The following CDYL2 variants were observed in gnomAD, a reference collection of about 807,000 sequenced individuals.
CDYL2 encodes the protein chromodomain Y like 2.
CDYL2 carries 23 observed loss-of-function variants against 49.4 expected under a neutral mutation model. The ratio of observed to expected loss-of-function variants is 0.47; its 90% CI spans 0.34 to 0.66. The LOEUF (loss-of-function observed/expected upper bound fraction) is 0.66, where lower values mean the gene tolerates loss of function less well. Among genes scored for constraint, CDYL2 ranks in the 30% least tolerant of loss-of-function variants. The pLI, the probability that CDYL2 is intolerant of heterozygous loss-of-function variation, is 0.01. For missense variants in CDYL2, 678 were observed against 656.4 expected (o/e 1.03, Z -0.36); for synonymous variants, 360 against 268.8 (o/e 1.34, Z -3.32).
chr16:80,623,776 T>C (rs1293753395), intron 3 of CDYL2, among the ~76,000 whole-genome samples: 2 of 152,122 alleles, frequency 1.3e-5, no homozygotes, highest in African/African-American at 4.8e-5. Flanking sequence ...ACTCAGGAAG[T>C]CAGACTTTGG....
intron 3 of CDYL2, among the ~76,000 whole-genome samples, chr16:80,631,687 GC>G (rs1461324530): frequency 6.6e-6 from 1 of 152,104 alleles, no homozygotes; most frequent in Non-Finnish European, 1.5e-5. Flanking sequence ...AATAAAGAAT[GC>G]CTAAAAGTCA....
chr16:80,640,725 G>C (rs952147724), intron 2 of CDYL2, among the ~76,000 whole-genome samples: 2 of 152,020 alleles, frequency 1.3e-5, no homozygotes, highest in African/African-American at 4.8e-5. Context: ...TTCAGACTTC[G>C]ATTAGATAAA....
chr16:80,792,681 G>A (rs374525128), intron 1 of CDYL2, among the ~76,000 whole-genome samples: 14 of 152,086 alleles, frequency 9.2e-5, no homozygotes, highest in African/African-American at 2.2e-4. Context: ...CATGGATAAC[G>A]TGATACTCCA....
chr16:80,782,570 T>C (rs1402284804), intron 1 of CDYL2, among the ~76,000 whole-genome samples: 1 of 143,948 alleles, frequency 6.9e-6, no homozygotes, highest in African/African-American at 2.6e-5. Context: ...CCAATATCCC[T>C]GACAATATAG....
At chr16:80,619,554 G>T (rs1321918656) in intron 4 of CDYL2, among the ~76,000 whole-genome samples, 1 of 152,196 alleles carries the variant, frequency 6.6e-6, no homozygotes, top group African/African-American at 2.4e-5. Context: ...CATGCATGAC[G>T]AGAGAAGCAC....
intron 1 of CDYL2, among the ~76,000 whole-genome samples, chr16:80,714,085 T>C (rs1904713008): frequency 6.6e-6 from 1 of 152,212 alleles, no homozygotes; most frequent in Non-Finnish European, 1.5e-5. Context: ...TTAAAAATTT[T>C]TTAACACTAC....
In CDYL2 at chr16:80,693,790, G is replaced by A. The variant is rs149848202; in HGVS notation, c.25-8661C>T. Among the ~76,000 whole-genome samples the A allele has an allele frequency of 4.4e-3, 672 of 152,178 alleles. 1 individual carries two copies. The highest frequency in any genetic ancestry group is 7.3e-3 in the Non-Finnish European group (493 of 68,000). ...TACATTTGTCAAAAACCACAGAGCT[G>A]TAGACCACAAAAAAAGAGTGACCTT... On this transcript the variant is annotated intron_variant, in intron 1 of 6. Coordinates refer to ENST00000570137, the MANE Select transcript of CDYL2 (RefSeq NM_152342.4).
intron 1 of CDYL2, among the ~76,000 whole-genome samples, chr16:80,792,772 G>A (rs1022907532): frequency 9.2e-5 from 14 of 152,026 alleles, no homozygotes; most frequent in African/African-American, 2.9e-4. Flanking sequence ...TAGGAATATC[G>A]CTGCTGTGCT....
chr16:80,654,597 G>A (rs1043286654), intron 2 of CDYL2, among the ~76,000 whole-genome samples: 22 of 152,128 alleles, frequency 1.4e-4, no homozygotes, highest in Non-Finnish European at 2.9e-5. Context: ...GTCCACCTCC[G>A]GGTGGGCTCA....
At chr16:80,802,555 C>A (rs549629612) in intron 1 of CDYL2, among the ~76,000 whole-genome samples, 41 of 152,212 alleles carry the variant, frequency 2.7e-4, no homozygotes, top group Non-Finnish European at 5.6e-4. Context: ...TCCAACTTCA[C>A]CTTGTCTCTT....
At chr16:80,646,607 G>A (rs764574507) in intron 2 of CDYL2, among the ~76,000 whole-genome samples, 5 of 152,152 alleles carry the variant, frequency 3.3e-5, no homozygotes, top group Non-Finnish European at 7.4e-5. Flanking sequence ...TGGCTAACAT[G>A]GTGAAACCCT....
intron 3 of CDYL2, among the ~76,000 whole-genome samples, chr16:80,626,654 T>C (rs1313706970): frequency 2.0e-5 from 3 of 152,228 alleles, no homozygotes; most frequent in Non-Finnish European, 2.9e-5. Flanking sequence ...GCATGGCGTG[T>C]GCCTGGGTGA....
chr16:80,662,509 C>T (rs1483977466), intron 2 of CDYL2, among the ~76,000 whole-genome samples: 1 of 152,116 alleles, frequency 6.6e-6, no homozygotes, highest in South Asian at 2.1e-4. Flanking sequence ...TTATCCTCTC[C>T]CATGTTCATT....
At chr16:80,706,104 C>T (rs532267927) in intron 1 of CDYL2, among the ~76,000 whole-genome samples, 18 of 152,306 alleles carry the variant, frequency 1.2e-4, no homozygotes, top group African/African-American at 4.1e-4. Context: ...TTCTCTACTC[C>T]GCATCTTTCC....
chr16:80,758,866 A>G (rs987270451), intron 1 of CDYL2, among the ~76,000 whole-genome samples: 1 of 151,758 alleles, frequency 6.6e-6, no homozygotes, highest in African/African-American at 2.4e-5. Context: ...TAATCATATC[A>G]AAAAATCAGA....
At chr16:80,656,115 G>A (rs1358724167) in intron 2 of CDYL2, among the ~76,000 whole-genome samples, 1 of 152,188 alleles carries the variant, frequency 6.6e-6, no homozygotes, top group Non-Finnish European at 1.5e-5. Flanking sequence ...TTAAAAGGTA[G>A]GGGCTAAAAG....
chr16:80,713,092 C>G (rs1054407304), intron 1 of CDYL2, among the ~76,000 whole-genome samples: 1 of 152,176 alleles, frequency 6.6e-6, no homozygotes, highest in Non-Finnish European at 1.5e-5. Context: ...ACAAGAATAT[C>G]CCTTCAGAGA....
chr16:80,748,760 C>T (rs1411869307), intron 1 of CDYL2, among the ~76,000 whole-genome samples: 1 of 152,086 alleles, frequency 6.6e-6, no homozygotes, highest in African/African-American at 2.4e-5. Flanking sequence ...CTCATCTCTA[C>T]CCCCAACTTA....
At chr16:80,685,292 G>T (rs8047972) in intron 1 of CDYL2, among the ~76,000 whole-genome samples, 163 bp from the exon 2 acceptor site, 63,318 of 151,818 alleles carry the variant, frequency 0.42, 16,388 homozygotes, top group Middle Eastern at 0.6. Flanking sequence ...TGGCAGGAGG[G>T]TTCAAGAAGG....
Sources: gnomAD v4.1 joint callset for allele counts (sites outside exome capture counted in the v4.1 genomes callset) on GRCh38, gnomAD v4.1.1 for gene constraint, MANE v1.5 for transcripts, NCBI Gene and HGNC (gene_info 2026-07-23, HGNC 2026-07-21) for gene names.